Variants in ZNF326 observed in about 807,000 individuals in gnomAD.
ZNF326 encodes the protein zinc finger protein 326.
ZNF326 carries 30 observed loss-of-function variants against 63.1 expected under a neutral mutation model. The ratio of observed to expected loss-of-function variants is 0.48; its 90% CI spans 0.36 to 0.64. The LOEUF (loss-of-function observed/expected upper bound fraction) is 0.64, where lower values mean the gene tolerates loss of function less well. ZNF326 is among the 30% of genes least tolerant of loss of function. The pLI is 0.00. For synonymous variants in ZNF326, 194 were observed against 228.2 expected (o/e 0.85, Z 1.35); for missense variants, 609 against 720.3 (o/e 0.85, Z 1.77).
In ZNF326 at chr1:90,015,246, A is replaced by G. The variant is rs368010158; in HGVS notation, c.926+2009A>G. Reference sequence around the variant, plus strand: ...TATTTGAATGCTTCCCACATAATAAAGCACATGGAAAGGTTTATATCTACC... The same window carrying G: ...TATTTGAATGCTTCCCACATAATAAGGCACATGGAAAGGTTTATATCTACC... On this transcript the variant is annotated intron_variant, in intron 7 of 11. Coordinates refer to ENST00000340281, the MANE Select transcript of ZNF326 (RefSeq NM_182976.4). 6.3e-4 allele frequency among the ~76,000 whole-genome samples: 96 copies of G among 152,340 alleles called. No individual in the cohort carries two copies. The South Asian group carries it at 0.019, about 31-fold the overall frequency.
chr1:90,022,190 A>G (rs555611441), intron 10 of ZNF326, 60 bp from the exon 11 acceptor site: 5 of 1,233,784 alleles, frequency 4.1e-6, no homozygotes, highest in South Asian at 2.6e-5. Context: ...TGTTTTAATT[A>G]TGGAAATATT....
rs1650237999 is a variant in ZNF326, at chr1:90,030,832, A to G, written c.*3131A>G. The G allele has an allele frequency of 6.6e-6, 1 of 152,182 alleles. No homozygotes were observed. The highest frequency in any genetic ancestry group is 2.1e-4 in the South Asian group (1 of 4,818). The allele number at this position is 152,182 out of a possible 1,614,324, so 9.4% of individuals were successfully genotyped here. A position where few individuals can be genotyped will look rare whatever the true frequency, so the allele number is the denominator to read the frequency against. On this transcript the variant is annotated 3_prime_UTR_variant, in exon 12 of 12. Transcript: ENST00000340281. Reference sequence around the variant, plus strand: ...AGACGTGCACCATCACACTCAGCTAATATTTTTTTTGTAGAGATGGGGTCT... The same window carrying G: ...AGACGTGCACCATCACACTCAGCTAGTATTTTTTTTGTAGAGATGGGGTCT...
chr1:90,027,856 TGTTTA>T lies in ZNF326; in HGVS notation c.*156_*160del. The T allele has an allele frequency of 2.8e-6, 2 of 704,656 alleles. No homozygotes were observed. The highest frequency in any genetic ancestry group is 4.5e-6 in the Non-Finnish European group (2 of 442,024). 43.7% of individuals were successfully genotyped at this position (704,656 alleles called of 1,614,324 possible). A position where few individuals can be genotyped will look rare whatever the true frequency, so the allele number is the denominator to read the frequency against. On this transcript the variant is annotated 3_prime_UTR_variant, in exon 12 of 12. Coordinates refer to ENST00000340281, the MANE Select transcript of ZNF326 (RefSeq NM_182976.4). ...ATATAATTTCTAAATGTTTAACATT[TGTTTA>T]ATAAAATGAAGGCAAAACTATTTTA...
Position 90,029,613 on chromosome 1 carries a change from G to T in ZNF326, c.*1912G>T, listed in dbSNP as rs1395141816. 1.3e-5 allele frequency: 2 copies of T among 152,110 alleles called. No homozygotes were observed. The highest frequency in any genetic ancestry group is 2.9e-5 in the Non-Finnish European group (2 of 68,000). 9.4% of individuals were successfully genotyped at this position (152,110 alleles called of 1,614,324 possible). A position where few individuals can be genotyped will look rare whatever the true frequency, so the allele number is the denominator to read the frequency against. On this transcript the variant is annotated 3_prime_UTR_variant, in exon 12 of 12. Coordinates refer to ENST00000340281, the MANE Select transcript of ZNF326 (RefSeq NM_182976.4). ...TGGTTCTTCTGATACTAAGCTGAGTGATTTTTTTTAAAACAATGTCTCTGG... is the reference window on the plus strand; with the variant it reads ...TGGTTCTTCTGATACTAAGCTGAGTTATTTTTTTTAAAACAATGTCTCTGG...
rs1650343476 is a variant in ZNF326 at position 90,033,092 on chromosome 1, G to A, written c.*5391G>A. On this transcript the variant is annotated 3_prime_UTR_variant, in exon 12 of 12. Transcript: ENST00000340281. The stretch of plus-strand genomic sequence containing the variant: ...TCAGGGAATTTTTCACTCAAGCCCA[G>A]AAAATAAACTCCAGATAATGATACT... 1 of 152,090 alleles carries A rather than the reference G, an allele frequency of 6.6e-6. No homozygotes were observed. Among genetic ancestry groups the A allele is most frequent in the Non-Finnish European group, 1.5e-5 (1 of 68,014 alleles). The allele number at this position is 152,090 out of a possible 1,614,324, so 9.4% of individuals were successfully genotyped here.
intron 4 of ZNF326, chr1:90,005,825 A>C: frequency 2.0e-6 from 2 of 985,508 alleles, no homozygotes; most frequent in Non-Finnish European, 2.4e-6. Context: ...ACACCAAAGC[A>C]CTTGTGCTCT....
At chr1:90,002,031 A>G (rs979425305) in intron 2 of ZNF326, among the ~76,000 whole-genome samples, 5 of 152,220 alleles carry the variant, frequency 3.3e-5, no homozygotes, top group Non-Finnish European at 7.3e-5. Context: ...AATTACTATC[A>G]TTTAAGATAT....
chr1:90,013,203 GA>G lies in ZNF326; in HGVS notation c.899del (p.Asn300ThrfsTer41), dbSNP rs770970244. 6.2e-7 allele frequency: 1 copy of G among 1,606,528 alleles called. No individual in the cohort carries two copies. On this transcript the variant is annotated frameshift_variant, in exon 7 of 12. Transcript: ENST00000340281. LOFTEE classifies it high-confidence loss of function. Reference protein sequence around the residue: ...ARREKQRRRREKNSEKYGDGY... With the variant: ...ARREKQRRRRXKNSEKYGDGY... ...GCGAGAGAAACAAAGGCGCAGAAGA[GA>G]AAAAAACAGTGAGAAATACGGAGAT... is the stretch of plus-strand genomic sequence containing the variant.
At chr1:90,014,412 A>C (rs1649398933) in intron 7 of ZNF326, among the ~76,000 whole-genome samples, 1 of 152,220 alleles carries the variant, frequency 6.6e-6, no homozygotes, top group Admixed American at 6.5e-5. Context: ...TGAGGAAACA[A>C]AAAACAGCTA....
At chr1:90,006,259 G>T (rs1183377919) in intron 4 of ZNF326, 1 of 983,390 alleles carries the variant, frequency 1.0e-6, no homozygotes, top group African/African-American at 1.7e-5. Context: ...TGGTTACTAG[G>T]ATTCAGAAGT....
intron 9 of ZNF326, among the ~76,000 whole-genome samples, chr1:90,019,967 A>G (rs1219839706): frequency 2.0e-5 from 3 of 152,118 alleles, no homozygotes; most frequent in Admixed American, 6.5e-5. Context: ...TACTGTATCT[A>G]TAGTACTGAT....
At position 90,028,521 on chromosome 1, in the gene ZNF326, A is replaced by G. The variant is rs1228800656; in HGVS notation, c.*820A>G. ...AATCTTCAAGTCTTGCTGAAAATACATTTGATACAAAGTTTTCTGTAGTTG... is the reference window on the plus strand; with the variant it reads ...AATCTTCAAGTCTTGCTGAAAATACGTTTGATACAAAGTTTTCTGTAGTTG... On this transcript the variant is annotated 3_prime_UTR_variant, in exon 12 of 12. Transcript: ENST00000340281. 1 of 152,170 alleles carries G rather than the reference A, an allele frequency of 6.6e-6. No individual in the cohort carries two copies. The highest frequency in any genetic ancestry group is 1.5e-5 in the Non-Finnish European group (1 of 68,032). The allele number at this position is 152,170 out of a possible 1,614,324, so 9.4% of individuals were successfully genotyped here.
chr1:90,013,542 C>T (rs906762820), intron 7 of ZNF326, among the ~76,000 whole-genome samples: 1 of 152,108 alleles, frequency 6.6e-6, no homozygotes, highest in Non-Finnish European at 1.5e-5. Flanking sequence ...TTTTCATGGG[C>T]AGGAATTAAA....
chr1:90,010,214 C>A lies in ZNF326; in HGVS notation c.742C>A (p.Pro248Thr). The change falls in exon 6 of 12, where the codon CCC (proline) becomes ACC (threonine). Residue 248 changes from proline to threonine, a missense_variant. Physicochemically the swap from Pro to Thr is conservative, Grantham distance 38. Transcript: ENST00000340281. ...AAAAATGATGCAGCCATTTAATAAG[C>A]CCAGTGGAACCTTTATCAAGAAACC... ...KRKMMQPFNK[P>T]SGTFIKKPKL... 1 of 1,613,798 alleles carries A rather than the reference C, an allele frequency of 6.2e-7. No individual in the cohort carries two copies. The highest frequency in any genetic ancestry group is 8.5e-7 in the Non-Finnish European group (1 of 1,179,826).
In ZNF326 at chr1:89,998,173, C is replaced by G. The variant is rs138906234; in HGVS notation, c.61+19C>G. The G allele has an allele frequency of 1.9e-6, 3 of 1,611,324 alleles. No individual in the cohort carries two copies. The African/African-American group carries it at 4.0e-5, about 22-fold the overall frequency. ...TTTAATGGTAAGTATCCTCTTTCAG[C>G]TTTTCTCTTCATGCGCATAAAAATA... On this transcript the variant is annotated intron_variant, in intron 2 of 11. Transcript: ENST00000340281.
chr1:90,020,755 A>C, intron 9 of ZNF326, 37 bp from the exon 10 acceptor site: 1 of 1,580,340 alleles, frequency 6.3e-7, no homozygotes, highest in Non-Finnish European at 8.6e-7. Context: ...GAAATAACAT[A>C]TGAATTATTT....
intron 2 of ZNF326, among the ~76,000 whole-genome samples, chr1:90,004,026 C>T (rs1385813983): frequency 7.9e-5 from 12 of 151,926 alleles, no homozygotes; most frequent in Admixed American, 7.9e-4. Flanking sequence ...TTTTAAAGGA[C>T]TTTATAGAAA....
rs1261906216 is a variant in ZNF326, at chr1:90,035,236, A to G, written c.*7535A>G. 1.3e-5 allele frequency: 2 copies of G among 152,246 alleles called. No homozygotes were observed. Among genetic ancestry groups the G allele is most frequent in the African/African-American group, 4.8e-5 (2 of 41,466 alleles). The allele number at this position is 152,246 out of a possible 1,614,324, so 9.4% of individuals were successfully genotyped here. A position where few individuals can be genotyped will look rare whatever the true frequency, so the allele number is the denominator to read the frequency against. Reference sequence around the variant, plus strand: ...AATAGAAGTATTAGGAAGAGAAAACATAGTCCTTATTTTGAGCAGTGTGAT... The same window carrying G: ...AATAGAAGTATTAGGAAGAGAAAACGTAGTCCTTATTTTGAGCAGTGTGAT... On this transcript the variant is annotated 3_prime_UTR_variant, in exon 12 of 12. Coordinates refer to ENST00000340281, the MANE Select transcript of ZNF326 (RefSeq NM_182976.4).
At chr1:90,016,482 G>A (rs547968322) in intron 7 of ZNF326, among the ~76,000 whole-genome samples, 2 of 152,070 alleles carry the variant, frequency 1.3e-5, no homozygotes, top group Non-Finnish European at 2.9e-5. Flanking sequence ...TTGGGAGGCC[G>A]AGGCAGGCAG....
Sources: gnomAD v4.1 joint callset for allele counts (sites outside exome capture counted in the v4.1 genomes callset) on GRCh38, gnomAD v4.1.1 for gene constraint, MANE v1.5 for transcripts, NCBI Gene and HGNC (gene_info 2026-07-23, HGNC 2026-07-21) for gene names.